The following SLC35F4 variants were observed in gnomAD, a reference collection of about 807,000 sequenced individuals.
SLC35F4 encodes chromosome 14 open reading frame 36.
In SLC35F4, 24 loss-of-function variants were observed where a neutral mutation model predicts 44.2. That is an observed-to-expected ratio of 0.54 (90% CI 0.39 to 0.76). SLC35F4 has a LOEUF of 0.76. Among genes scored for constraint, SLC35F4 ranks in the 30% least tolerant of loss-of-function variants. The probability of loss-of-function intolerance (pLI) is 0.00; values close to 1 mark genes in which losing one functional copy is unlikely to be tolerated. For missense variants in SLC35F4, 562 were observed against 586.1 expected (o/e 0.96, Z 0.42); for synonymous variants, 238 against 223.6 (o/e 1.06, Z -0.57).
chr14:57,716,140 C>T (rs1488088400), intron 1 of SLC35F4, among the ~76,000 whole-genome samples: 1 of 152,076 alleles, frequency 6.6e-6, no homozygotes, highest in East Asian at 1.9e-4. Context: ...GTTTTCATGC[C>T]ATTCATCCAC....
At chr14:57,763,313 G>T (rs2077165829) in intron 1 of SLC35F4, among the ~76,000 whole-genome samples, 1 of 152,026 alleles carries the variant, frequency 6.6e-6, no homozygotes, top group Non-Finnish European at 1.5e-5. Context: ...GTTGACAAAA[G>T]GTATAAAGAT....
intron 1 of SLC35F4, among the ~76,000 whole-genome samples, chr14:57,647,848 C>T (rs1341287020): frequency 6.6e-6 from 1 of 152,120 alleles, no homozygotes; most frequent in Admixed American, 6.6e-5. Flanking sequence ...TCTGATCACC[C>T]CGGCCTGTCC....
chr14:57,764,460 C>T (rs1429029991), intron 1 of SLC35F4, among the ~76,000 whole-genome samples: 5 of 152,192 alleles, frequency 3.3e-5, no homozygotes, highest in Non-Finnish European at 7.3e-5. Context: ...ACATTCACAG[C>T]TTAGTTACAG....
chr14:57,597,150 A>C (rs2139950566), intron 1 of SLC35F4, among the ~76,000 whole-genome samples: 1 of 152,368 alleles, frequency 6.6e-6, no homozygotes, highest in East Asian at 1.9e-4. Context: ...TTTTGTATGC[A>C]ACAATGAGTG....
At chr14:57,946,496 A>T (rs1890033004) in intron 1 of SLC35F4, among the ~76,000 whole-genome samples, 3 of 104,844 alleles carry the variant, frequency 2.9e-5, no homozygotes, top group African/African-American at 7.8e-5. Flanking sequence ...TTTTTTTGAG[A>T]CCGAGTCTCA....
At chr14:57,652,512 ACT>A (rs1277238294) in intron 1 of SLC35F4, among the ~76,000 whole-genome samples, 1 of 152,180 alleles carries the variant, frequency 6.6e-6, no homozygotes, top group East Asian at 1.9e-4. Context: ...ACAAGGAGAC[ACT>A]GAGTCATGTT....
chr14:57,975,470 A>T (rs1234403085), downstream of SLC35F4, among the ~76,000 whole-genome samples: 1 of 152,220 alleles, frequency 6.6e-6, no homozygotes, highest in Non-Finnish European at 1.5e-5. Flanking sequence ...TGTATGGGAC[A>T]CCTGGAGATT....
chr14:57,958,676 A>G (rs1360746088), intron 1 of SLC35F4, among the ~76,000 whole-genome samples: 2 of 152,192 alleles, frequency 1.3e-5, no homozygotes, highest in African/African-American at 2.4e-5. Context: ...CAACTAAAAA[A>G]ATGGTATTCC....
At chr14:57,971,713 C>T (rs773670446) in intron 1 of SLC35F4, among the ~76,000 whole-genome samples, 5 of 152,232 alleles carry the variant, frequency 3.3e-5, no homozygotes, top group East Asian at 1.9e-4. Flanking sequence ...AAGCAGGAGT[C>T]GAATGGTGGT....
intron 1 of SLC35F4, among the ~76,000 whole-genome samples, chr14:57,882,561 G>T (rs983334304): frequency 6.6e-6 from 1 of 151,992 alleles, no homozygotes; most frequent in East Asian, 1.9e-4. Context: ...CCTATACTCT[G>T]GGAAAATGCT....
intron 1 of SLC35F4, among the ~76,000 whole-genome samples, chr14:57,942,379 C>T (rs1030542059): frequency 2.0e-5 from 3 of 152,126 alleles, no homozygotes; most frequent in Non-Finnish European, 4.4e-5. Context: ...ATTTTGTAAC[C>T]CATCCAGTAT....
intron 1 of SLC35F4, among the ~76,000 whole-genome samples, chr14:57,833,845 G>A (rs995117292): frequency 3.3e-5 from 5 of 152,146 alleles, no homozygotes; most frequent in Non-Finnish European, 1.5e-5. Context: ...CCTTTATGAA[G>A]ACTAGCTTCA....
At chr14:57,868,505 T>G (rs28560362), upstream of SLC35F4, among the ~76,000 whole-genome samples, 673 of 151,804 alleles carry the variant, frequency 4.4e-3, 5 homozygotes, top group African/African-American at 0.016. Context: ...AGACAAAGTC[T>G]CACTCTGTCA....
chr14:57,660,043 T>A (rs1268162193), intron 1 of SLC35F4, among the ~76,000 whole-genome samples: 1 of 152,206 alleles, frequency 6.6e-6, no homozygotes, highest in Admixed American at 6.5e-5. Context: ...TGGGTCTCTG[T>A]TCAGTTATAC....
chr14:57,897,575 A>T (rs1353818045), intron 1 of SLC35F4, among the ~76,000 whole-genome samples: 3 of 151,956 alleles, frequency 2.0e-5, no homozygotes, highest in Non-Finnish European at 4.4e-5. Flanking sequence ...TCAGTGATGC[A>T]CGATCCAGCA....
At chr14:57,607,220 C>G (rs1000796753) in intron 1 of SLC35F4, among the ~76,000 whole-genome samples, 7 of 152,096 alleles carry the variant, frequency 4.6e-5, no homozygotes. Flanking sequence ...AATATTTATG[C>G]CTTGTTCATT....
At chr14:57,705,464 C>G (rs1006095325) in intron 1 of SLC35F4, among the ~76,000 whole-genome samples, 5 of 152,136 alleles carry the variant, frequency 3.3e-5, no homozygotes, top group Non-Finnish European at 7.4e-5. Context: ...ACTCCGCATC[C>G]CAGAAAGCTG....
chr14:57,572,089 C>T, intron 4 of SLC35F4, 70 bp from the exon 5 acceptor site: 1 of 1,551,022 alleles, frequency 6.4e-7, no homozygotes, highest in Non-Finnish European at 8.7e-7. Context: ...CAATTCAAGA[C>T]TTCCTGAAAG....
intron 1 of SLC35F4, among the ~76,000 whole-genome samples, chr14:57,956,650 C>G (rs1432269873): frequency 2.0e-5 from 3 of 152,116 alleles, no homozygotes; most frequent in Non-Finnish European, 4.4e-5. Flanking sequence ...AGACACTTCT[C>G]AAAAGAAGAC....
Sources: gnomAD v4.1 joint callset for allele counts (sites outside exome capture counted in the v4.1 genomes callset) on GRCh38, gnomAD v4.1.1 for gene constraint, MANE v1.5 for transcripts, NCBI Gene and HGNC (gene_info 2026-07-23, HGNC 2026-07-21) for gene names.